The following GBP3 variants were observed in gnomAD, a reference collection of about 807,000 sequenced individuals.
GBP3 encodes guanylate binding protein 3.
A neutral mutation model predicts 62.4 loss-of-function variants in GBP3; 55 were observed. That is an observed-to-expected ratio of 0.88 (90% CI 0.71 to 1.10). The LOEUF (loss-of-function observed/expected upper bound fraction) is 1.10. Among genes scored for constraint, GBP3 ranks in the 50% least tolerant of loss-of-function variants. GBP3 has a pLI of 0.00. For missense variants in GBP3, 605 were observed against 690.6 expected, an observed-to-expected ratio of 0.88 and a Z score of 1.39; for synonymous variants, 208 against 259.2, an observed-to-expected ratio of 0.80 and a Z score of 1.90.
At chr1:89,013,869 T>C in intron 5 of GBP3, 1 of 528,570 alleles carries the variant, frequency 1.9e-6, no homozygotes, top group Non-Finnish European at 3.3e-6. Context: ...ATTTAAAATC[T>C]AATCTATTAA....
intron 2 of GBP3, among the ~76,000 whole-genome samples, chr1:89,018,943 G>A (rs1326071328): frequency 6.6e-6 from 1 of 152,196 alleles, no homozygotes; most frequent in African/African-American, 2.4e-5. Flanking sequence ...CAGGCTGCTG[G>A]CCAGATCCCG....
In GBP3 at chr1:89,014,071, C is replaced by T. The variant is rs775090421; in HGVS notation, c.625+12G>A. On this transcript the variant is annotated intron_variant, in intron 5 of 10. Transcript: ENST00000370481. ...TTGTCGTCCTCATTTATCAATGGTACGTCTCTGTTACCTTGCGTTAGCTTC... is the reference window on the plus strand; with the variant it reads ...TTGTCGTCCTCATTTATCAATGGTATGTCTCTGTTACCTTGCGTTAGCTTC... The T allele has an allele frequency of 6.8e-5, 110 of 1,611,444 alleles. 1 individual carries two copies. The South Asian group carries it at 9.0e-4, about 13-fold the overall frequency.
intron 2 of GBP3, among the ~76,000 whole-genome samples, chr1:89,019,134 AAGCAGGGACTCGAAC>A (rs1350667534): frequency 2.0e-5 from 3 of 152,256 alleles, no homozygotes; most frequent in African/African-American, 7.2e-5. Context: ...AAAGGAGTGA[AAGCAGGGACTCGAAC>A]AGATATTCAG....
rs777202927 is a variant in GBP3, at chr1:89,014,549, C to T, written c.426G>A (p.Leu142=). The change falls in exon 4 of 11, where the codon CTG becomes CTA. Residue 142 remains leucine (L), a splice_region_variant and synonymous_variant. Transcript: ENST00000370481. The part of the protein sequence containing the change: ...GTINQQAMDQ[L]YYVTELTHRI... ...TGTTCTGGGTCACAAAAGGATACTA[C>T]AGTTGGTCCATAGCCTGCTGGTTGA... is the stretch of plus-strand genomic sequence containing the variant. 3.7e-6 allele frequency: 6 copies of T among 1,613,986 alleles called. No individual in the cohort carries two copies. Among genetic ancestry groups the T allele is most frequent in the Non-Finnish European group, 5.1e-6 (6 of 1,179,984 alleles).
At chr1:89,009,766 G>A (rs192650018) in intron 8 of GBP3, among the ~76,000 whole-genome samples, 206 of 152,270 alleles carry the variant, frequency 1.4e-3, no homozygotes, top group Non-Finnish European at 2.6e-3. Context: ...ATTTGATGCT[G>A]TGGTTCCATA....
intron 1 of GBP3, 126 bp from the exon 2 acceptor site, chr1:89,020,869 G>A: frequency 1.4e-6 from 1 of 702,262 alleles, no homozygotes; most frequent in Non-Finnish European, 2.4e-6. Context: ...GGGAAAATGT[G>A]TATCATTTTA....
At position 89,010,313 on chromosome 1, in the gene GBP3, G is replaced by T. The variant is rs1393241559; in HGVS notation, c.1362+591C>A. On this transcript the variant is annotated intron_variant, in intron 8 of 10. Coordinates refer to ENST00000370481, the MANE Select transcript of GBP3 (RefSeq NM_018284.3). ...ATTTTTGTATTTTTAGTAGAGACGG[G>T]GTTTCACCATGTTGGCCAGGATGGT... is the stretch of plus-strand genomic sequence containing the variant. 1.1e-3 allele frequency among the ~76,000 whole-genome samples: 153 copies of T among 137,352 alleles called. 29 individuals carry two copies. The highest frequency in any genetic ancestry group is 2.0e-3 in the Non-Finnish European group (118 of 59,548). The allele number at this position is 137,352 out of a possible 152,430, so 90.1% of individuals were successfully genotyped here. A position where few individuals can be genotyped will look rare whatever the true frequency, so the allele number is the denominator to read the frequency against.
intron 2 of GBP3, 74 bp downstream of exon 2, chr1:89,020,458 C>T: frequency 6.4e-7 from 1 of 1,571,156 alleles, no homozygotes; most frequent in Non-Finnish European, 8.8e-7. Flanking sequence ...TTTCTCTCCT[C>T]ACATCCTCAT....
rs759955613 is a variant in GBP3 at position 89,011,602 on chromosome 1, CT to C, written c.1149+144del. On this transcript the variant is annotated intron_variant, in intron 7 of 10. Coordinates refer to ENST00000370481, the MANE Select transcript of GBP3 (RefSeq NM_018284.3). Reference sequence around the variant, plus strand: ...TCTGAAGTAATAAAATTGTTTTTGTCTGATTATTATGATTACCAAGAACTAG... The same window carrying C: ...TCTGAAGTAATAAAATTGTTTTTGTCGATTATTATGATTACCAAGAACTAG... The C allele has an allele frequency of 7.7e-5, 80 of 1,045,278 alleles. 10 individuals carry two copies. The highest frequency in any genetic ancestry group is 1.1e-4 in the Non-Finnish European group (79 of 737,122). 64.8% of individuals were successfully genotyped at this position (1,045,278 alleles called of 1,614,324 possible). A position where few individuals can be genotyped will look rare whatever the true frequency, so the allele number is the denominator to read the frequency against.
At chr1:89,015,440 G>A in intron 2 of GBP3, 26 bp from the exon 3 acceptor site, 1 of 1,601,704 alleles carries the variant, frequency 6.2e-7, no homozygotes, top group Non-Finnish European at 8.5e-7. Context: ...GGGATAAGAA[G>A]GGCTGGAGGT....
rs371079712 is a variant in GBP3 at position 89,013,421 on chromosome 1, C to G, written c.632G>C (p.Ser211Thr). ...CAGATTAAAATTTTTATCTTTTTGA[C>G]TGGTACCTAGAGAAACATAATAAAG... The part of the protein sequence containing the change: ...EYSLKLTQGT[S>T]QKDKNFNLPR... The change falls in exon 6 of 11, where the codon AGT (serine) becomes ACT (threonine). Residue 211 changes from serine (S) to threonine (T), a missense_variant. By Grantham distance (58) the Ser-to-Thr change is moderately conservative (BLOSUM62 1). Around this residue, in one of 3 missense-constraint regions of GBP3, gnomAD observed 308 missense variants for 318.0 expected, o/e 0.97. Coordinates refer to ENST00000370481, the MANE Select transcript of GBP3 (RefSeq NM_018284.3). 5 of 1,609,806 alleles carry G rather than the reference C, an allele frequency of 3.1e-6. No homozygotes were observed. In the African/African-American group the frequency reaches 6.7e-5, roughly 22 times the overall value.
At chr1:89,021,049 T>C (rs1181655247) in intron 1 of GBP3, among the ~76,000 whole-genome samples, 1 of 152,134 alleles carries the variant, frequency 6.6e-6, no homozygotes, top group African/African-American at 2.4e-5. Context: ...TAAAATAGGA[T>C]ATAGAGAATT....
chr1:89,021,544 A>ACACACCCCCCCC (rs761151308), intron 1 of GBP3, among the ~76,000 whole-genome samples: 1 of 141,050 alleles, frequency 7.1e-6, no homozygotes, highest in East Asian at 2.1e-4. Context: ...ACACACACAC[A>ACACACCCCCCCC]CCCCAAAAAA....
chr1:89,008,187 C>T (rs1281099349), intron 10 of GBP3, among the ~76,000 whole-genome samples: 1 of 151,798 alleles, frequency 6.6e-6, no homozygotes, highest in Non-Finnish European at 1.5e-5. Flanking sequence ...TTTTAACACA[C>T]CTACCTACAC....
At chr1:89,020,439 A>T in intron 2 of GBP3, 93 bp downstream of exon 2, 1 of 1,453,256 alleles carries the variant, frequency 6.9e-7, no homozygotes, top group Non-Finnish European at 9.6e-7. Flanking sequence ...GCTTATTCCC[A>T]GTGCCAGCTT....
In GBP3 at chr1:89,008,979, C is replaced by A; in HGVS notation, c.1627G>T (p.Glu543Ter). 1 of 1,614,144 alleles carries A rather than the reference C, an allele frequency of 6.2e-7. No homozygotes were observed. Among genetic ancestry groups the A allele is most frequent in the South Asian group, 1.1e-5 (1 of 91,076 alleles). ...MERERAQLLE[E>*]QEKTLTSKLQ... The stretch of plus-strand genomic sequence containing the variant: ...TTACTAGTGAGGGTCTTCTCTTGCT[C>A]TTCCAGCAACTGGGCCCTCTCCCTC... The change falls in exon 10 of 11, where the codon GAG becomes TAG. Residue 543 changes from glutamate to a stop codon, truncating the protein, a stop_gained. Transcript: ENST00000370481. LOFTEE classifies it low-confidence loss of function (END_TRUNC).
chr1:89,013,555 G>C, intron 5 of GBP3, 128 bp from the exon 6 acceptor site: 2 of 948,622 alleles, frequency 2.1e-6, no homozygotes, highest in Non-Finnish European at 3.1e-6. Flanking sequence ...ATTGGAGCAT[G>C]ACAACAGCTT....
rs777947525 is a variant in GBP3, at chr1:89,020,633, A to G, written c.89T>C (p.Ile30Thr). Residue 30 changes from isoleucine to threonine, a missense_variant, in exon 2 of 11, where the codon ATC (isoleucine) becomes ACC (threonine). Physicochemically the swap from Ile to Thr is moderately conservative, Grantham distance 89. Coordinates refer to ENST00000370481, the MANE Select transcript of GBP3 (RefSeq NM_018284.3). ...CACAGGCTGTGTAATGGCAGACAGG[A>G]TTTTCAGAGCTTCTGGATTCGCCAC... ...ELVANPEALK[I>T]LSAITQPVVV... The G allele has an allele frequency of 1.9e-6, 3 of 1,614,054 alleles. No individual in the cohort carries two copies.
At chr1:89,020,240 G>GAA in intron 2 of GBP3, 6 of 422,884 alleles carry the variant, frequency 1.4e-5, no homozygotes, top group Admixed American at 3.5e-5. Flanking sequence ...CTTGTCTCAA[G>GAA]AAAAAAAAAG....
Sources: gnomAD v4.1 joint callset for allele counts (sites outside exome capture counted in the v4.1 genomes callset) on GRCh38, gnomAD v4.1.1 for gene constraint, gnomAD v4.1.1 regional missense constraint, MANE v1.5 for transcripts, NCBI Gene and HGNC (gene_info 2026-07-23, HGNC 2026-07-21) for gene names.